Variants in PAK5 observed in about 807,000 individuals in gnomAD.
PAK5 encodes serine/threonine-protein kinase PAK 5.
PAK5 carries 16 observed loss-of-function variants against 65.9 expected under a neutral mutation model. The observed-to-expected ratio is 0.24, with a 90% CI of 0.16 to 0.37. The LOEUF is 0.37. Among genes scored for constraint, PAK5 ranks in the 10% least tolerant of loss-of-function variants. PAK5 has a pLI of 1.00. For missense variants in PAK5, 785 were observed against 903.9 expected, an observed-to-expected ratio of 0.87 and a Z score of 1.69; for synonymous variants, 371 against 354.9, an observed-to-expected ratio of 1.05 and a Z score of -0.51.
rs1011493115 is a variant in PAK5 at position 9,771,476 on chromosome 20, A to C, written c.-161-60041T>G. 6.6e-5 allele frequency among the ~76,000 whole-genome samples: 10 copies of C among 150,838 alleles called. No homozygotes were observed. In the East Asian group the frequency reaches 1.6e-3, roughly 24 times the overall value. On this transcript the variant is annotated intron_variant, in intron 1 of 9. Transcript: ENST00000353224. ...CAGGCTAGAATGCACTGGTGTAATC[A>C]CTGCTCACTGCAGCCTCAAACTCCT...
At chr20:9,724,865 T>A (rs2048258104) in intron 1 of PAK5, among the ~76,000 whole-genome samples, 2 of 152,090 alleles carry the variant, frequency 1.3e-5, no homozygotes, top group South Asian at 2.1e-4. Flanking sequence ...TAAAAAAAAA[T>A]TTTAATTGCA....
chr20:9,545,226 G>A (rs892218732), intron 7 of PAK5, among the ~76,000 whole-genome samples: 5 of 152,186 alleles, frequency 3.3e-5, no homozygotes, highest in Middle Eastern at 3.4e-3. Context: ...TCATCAAGGA[G>A]GAAAAAAACT....
At chr20:9,760,673 C>CT (rs5840332) in intron 1 of PAK5, among the ~76,000 whole-genome samples, 62,070 of 122,798 alleles carry the variant, frequency 0.51, 15,864 homozygotes, top group East Asian at 0.52. Flanking sequence ...CTTTTCTTTT[C>CT]TTTTTTTTTT....
chr20:9,834,845 G>T (rs1979016203), intron 1 of PAK5, among the ~76,000 whole-genome samples: 1 of 152,048 alleles, frequency 6.6e-6, no homozygotes. Context: ...ATTTCCAGAA[G>T]ACTGAAAGTC....
Position 9,838,071 on chromosome 20 carries a change from G to A in PAK5, c.-162+691C>T, listed in dbSNP as rs1979293619. Among the ~76,000 whole-genome samples the A allele has an allele frequency of 2.6e-5, 4 of 151,980 alleles. No homozygotes were observed. The highest frequency in any genetic ancestry group is 2.6e-4 in the Admixed American group (4 of 15,272). ...AGTTTACCCTCTAGGAGGCTGACAT[G>A]GCACACAATTTTGACAAGAGTTTGG... On this transcript the variant is annotated intron_variant, in intron 1 of 9. Coordinates refer to ENST00000353224, the MANE Select transcript of PAK5 (RefSeq NM_177990.4). The surrounding 1 kb of genome is among the most constrained non-coding windows in gnomAD (Gnocchi z 4.5).
intron 1 of PAK5, among the ~76,000 whole-genome samples, chr20:9,783,620 A>C (rs1465605275): frequency 1.3e-5 from 2 of 152,212 alleles, no homozygotes; most frequent in Non-Finnish European, 2.9e-5. Context: ...TCTCCGAGGA[A>C]GATATGTTAC....
chr20:9,784,920 T>C (rs2048977137), intron 1 of PAK5, among the ~76,000 whole-genome samples: 2 of 152,120 alleles, frequency 1.3e-5, no homozygotes, highest in Admixed American at 1.3e-4. Flanking sequence ...AAAGTGTGTA[T>C]CAAATTGAAC....
intron 1 of PAK5, among the ~76,000 whole-genome samples, chr20:9,714,327 A>G (rs1304646401): frequency 6.6e-6 from 1 of 152,048 alleles, no homozygotes; most frequent in Non-Finnish European, 1.5e-5. Flanking sequence ...TTCTCCTTGG[A>G]TGAGATAAGA....
At chr20:9,690,549 T>G (rs1054852260) in intron 2 of PAK5, among the ~76,000 whole-genome samples, 11 of 151,874 alleles carry the variant, frequency 7.2e-5, no homozygotes, top group Non-Finnish European at 2.9e-5. Flanking sequence ...CGTGGGCAAC[T>G]GGGCCTCAAT....
chr20:9,710,345 T>C (rs2123485277), intron 2 of PAK5, among the ~76,000 whole-genome samples: 1 of 152,290 alleles, frequency 6.6e-6, no homozygotes, highest in Admixed American at 6.5e-5. Context: ...CAACACCCTC[T>C]AAGTTTCAGA....
At position 9,766,384 on chromosome 20, in the gene PAK5, A is replaced by ACT. The variant is rs1569079083; in HGVS notation, c.-161-54950_-161-54949insAG. 5.2e-3 allele frequency among the ~76,000 whole-genome samples: 305 copies of ACT among 58,346 alleles called. 67 individuals are homozygous for ACT. The highest frequency in any genetic ancestry group is 0.022 in the African/African-American group (257 of 11,674). 38.3% of individuals were successfully genotyped at this position (58,346 alleles called of 152,430 possible). A position where few individuals can be genotyped will look rare whatever the true frequency, so the allele number is the denominator to read the frequency against. The stretch of plus-strand genomic sequence containing the variant: ...ATATATATATATTCAAGCAGAATAT[A>ACT]TATGTATATATATATTCAAGCAGAA... On this transcript the variant is annotated intron_variant, in intron 1 of 9. Transcript: ENST00000353224.
chr20:9,772,574 G>T (rs1352483227), intron 1 of PAK5, among the ~76,000 whole-genome samples: 1 of 152,200 alleles, frequency 6.6e-6, no homozygotes, highest in Non-Finnish European at 1.5e-5. Flanking sequence ...CCATAAAGAA[G>T]CTGCCACTGT....
chr20:9,552,921 T>C lies in PAK5; in HGVS notation c.1743+4687A>G, dbSNP rs2122933325. Among the ~76,000 whole-genome samples, 2 of 152,144 alleles carry C rather than the reference T, an allele frequency of 1.3e-5. 1 individual carries two copies. Among genetic ancestry groups the C allele is most frequent in the South Asian group, 4.1e-4 (2 of 4,820 alleles). On this transcript the variant is annotated intron_variant, in intron 7 of 9. Coordinates refer to ENST00000353224, the MANE Select transcript of PAK5 (RefSeq NM_177990.4). ...TTTTCTGGTAGAGATGAGATGGGAC[T>C]TCAATATGTTTCCCAGGTTGGTCTT...
intron 3 of PAK5, among the ~76,000 whole-genome samples, chr20:9,603,238 ACTTTTGGC>A (rs1288827898): frequency 6.6e-6 from 1 of 152,210 alleles, no homozygotes; most frequent in African/African-American, 2.4e-5. Flanking sequence ...TAATGCAAGC[ACTTTTGGC>A]CTTTCCTGGG....
chr20:9,825,563 T>C (rs2049474492), intron 1 of PAK5, among the ~76,000 whole-genome samples: 1 of 152,192 alleles, frequency 6.6e-6, no homozygotes, highest in Non-Finnish European at 1.5e-5. Flanking sequence ...ACCATATGAT[T>C]TCTTTTCCAT....
chr20:9,709,830 G>A (rs909890129), intron 2 of PAK5, among the ~76,000 whole-genome samples: 4 of 152,114 alleles, frequency 2.6e-5, no homozygotes, highest in Non-Finnish European at 5.9e-5. Flanking sequence ...TCCAACAGTA[G>A]CTGTTGGCTT....
At chr20:9,753,448 T>C (rs2048599222) in intron 1 of PAK5, among the ~76,000 whole-genome samples, 1 of 152,158 alleles carries the variant, frequency 6.6e-6, no homozygotes, top group Non-Finnish European at 1.5e-5. Flanking sequence ...TAAATTCCTA[T>C]TCTTTAAGCT....
intron 1 of PAK5, among the ~76,000 whole-genome samples, chr20:9,751,054 A>G (rs1569072758): frequency 6.6e-6 from 1 of 152,192 alleles, no homozygotes; most frequent in Non-Finnish European, 1.5e-5. Context: ...GCTTCCCAAA[A>G]TTACAAATGT....
intron 2 of PAK5, among the ~76,000 whole-genome samples, chr20:9,684,119 A>T (rs1473751461): frequency 6.6e-6 from 1 of 152,180 alleles, no homozygotes; most frequent in Admixed American, 6.5e-5. Flanking sequence ...ATTGTGTTAA[A>T]CCATTGGGAA....
Sources: allele counts gnomAD v4.1 joint callset (sites outside exome capture counted in the v4.1 genomes callset), GRCh38; gene constraint gnomAD v4.1.1; non-coding constraint Gnocchi (gnomAD v3.1); transcripts MANE v1.5; gene names NCBI Gene and HGNC (gene_info 2026-07-23, HGNC 2026-07-21).